The following SLC3A1 variants were observed in gnomAD, a reference collection of about 807,000 sequenced individuals.
SLC3A1 encodes solute carrier family 3 member 1, also known as amino acid transporter heavy chain SLC3A1.
In SLC3A1, 78 loss-of-function variants were observed where a neutral mutation model predicts 60.3. That is an observed-to-expected ratio of 1.29 (90% CI 1.08 to 1.56). The LOEUF (loss-of-function observed/expected upper bound fraction) is 1.56, where lower values mean the gene tolerates loss of function less well. Ranked by LOEUF, SLC3A1 falls within the 40% of genes most tolerant of loss-of-function variation. The pLI, the probability that SLC3A1 is intolerant of heterozygous loss-of-function variation, is 0.00. For missense variants in SLC3A1, 1,172 were observed against 858.9 expected (o/e 1.36, Z -4.56); for synonymous variants, 392 against 307.9 (o/e 1.27, Z -2.86).
chr2:44,285,212 A>G (rs951572445), intron 3 of SLC3A1: 6 of 155,064 alleles, frequency 3.9e-5, no homozygotes, highest in African/African-American at 1.4e-4. Flanking sequence ...GAAAGGCAGC[A>G]GCTACTACTC....
chr2:44,310,306 C>T (rs1188341137), intron 7 of SLC3A1, among the ~76,000 whole-genome samples: 2 of 152,200 alleles, frequency 1.3e-5, no homozygotes, highest in Admixed American at 1.3e-4. Context: ...TTCTTTTCAT[C>T]CTCACCAACA....
In SLC3A1 at chr2:44,321,480, G is replaced by T. The variant is rs775308726; in HGVS notation, c.*841G>T. 2 of 1,594,458 alleles carry T rather than the reference G, an allele frequency of 1.3e-6. No individual in the cohort carries two copies. The highest frequency in any genetic ancestry group is 3.4e-5 in the Admixed American group (2 of 58,650). Reference sequence around the variant, plus strand: ...ACACATTAAAAAAATTAAATAGAAGGCCTTTGTAGTAAAATGCCACTGTTT... The same window carrying T: ...ACACATTAAAAAAATTAAATAGAAGTCCTTTGTAGTAAAATGCCACTGTTT... On this transcript the variant is annotated 3_prime_UTR_variant, in exon 10 of 10. Transcript: ENST00000260649.
chr2:44,315,597 A>T (rs1348180118), intron 9 of SLC3A1, among the ~76,000 whole-genome samples: 7 of 134,018 alleles, frequency 5.2e-5, no homozygotes, highest in African/African-American at 1.9e-4. Flanking sequence ...TCAAGGTTGC[A>T]GTGAGTTGTG....
chr2:44,314,926 T>TC (rs1672390153), intron 9 of SLC3A1: 1 of 128,646 alleles, frequency 7.8e-6, no homozygotes, highest in Non-Finnish European at 1.6e-5. Context: ...ACAGTGATTT[T>TC]TTTTTTTTTT....
intron 7 of SLC3A1, among the ~76,000 whole-genome samples, chr2:44,308,924 G>T (rs566108494): frequency 1.2e-4 from 18 of 152,164 alleles, no homozygotes; most frequent in East Asian, 7.7e-4. Flanking sequence ...AGTAGAGACG[G>T]GGTTTCACCG....
At chr2:44,290,051 T>A (rs6705549) in intron 4 of SLC3A1, among the ~76,000 whole-genome samples, 6,492 of 152,106 alleles carry the variant, frequency 0.043, 441 homozygotes, top group African/African-American at 0.14. Flanking sequence ...ACAGTTTTAG[T>A]CTTACATTTT....
rs140640707 is a variant in SLC3A1, at chr2:44,297,760, C to A, written c.892-2211C>A. Among the ~76,000 whole-genome samples the A allele has an allele frequency of 6.6e-3, 999 of 152,268 alleles. 10 individuals are homozygous for A. The highest frequency in any genetic ancestry group is 0.022 in the African/African-American group (919 of 41,534). On this transcript the variant is annotated intron_variant, in intron 4 of 9. Transcript: ENST00000260649. ...GCCTACAGACATGTACCACCACACG[C>A]AGCTAATTTTTCATTTTTTGTAGAG...
At position 44,286,027 on chromosome 2, in the gene SLC3A1, GC is replaced by G. The variant is rs1671604840; in HGVS notation, c.766-3del. 1 of 1,613,978 alleles carries G rather than the reference GC, an allele frequency of 6.2e-7. No individual in the cohort carries two copies. The highest frequency in any genetic ancestry group is 8.5e-7 in the Non-Finnish European group (1 of 1,179,984). ...CACTGATGTGCTGTTTTCTTTGTTT[GC>G]CAGTTAAGTGTGTATGGAAACTCCA... On this transcript the variant is annotated splice_polypyrimidine_tract_variant and splice_region_variant and intron_variant, in intron 3 of 9. Coordinates refer to ENST00000260649, the MANE Select transcript of SLC3A1 (RefSeq NM_000341.4).
intron 4 of SLC3A1, among the ~76,000 whole-genome samples, chr2:44,296,905 ACT>A (rs1422402021): frequency 6.6e-6 from 1 of 151,678 alleles, no homozygotes; most frequent in South Asian, 2.1e-4. Flanking sequence ...TTCTGCACAA[ACT>A]CTCTCGCCTG....
intron 5 of SLC3A1, 74 bp downstream of exon 5, chr2:44,300,164 G>T: frequency 6.9e-7 from 1 of 1,450,250 alleles, no homozygotes; most frequent in Middle Eastern, 1.7e-4. Context: ...TTCTCAGCCT[G>T]AGATACCAGT....
Position 44,320,990 on chromosome 2 carries a change from C to A in SLC3A1, c.*351C>A, listed in dbSNP as rs2103653034. ...TAGAAATTAGAGGATGACTCACTGC[C>A]ACAGTGTCTAAAAGCATTTGCTAGC... On this transcript the variant is annotated 3_prime_UTR_variant, in exon 10 of 10. Coordinates refer to ENST00000260649, the MANE Select transcript of SLC3A1 (RefSeq NM_000341.4). 14 of 396,652 alleles carry A rather than the reference C, an allele frequency of 3.5e-5. No individual in the cohort carries two copies. In the South Asian group the frequency reaches 3.6e-4, roughly 10 times the overall value. The allele number at this position is 396,652 out of a possible 1,614,324, so 24.6% of individuals were successfully genotyped here. A position where few individuals can be genotyped will look rare whatever the true frequency, so the allele number is the denominator to read the frequency against.
chr2:44,308,246 A>T (rs1672207169), intron 7 of SLC3A1, among the ~76,000 whole-genome samples: 1 of 152,254 alleles, frequency 6.6e-6, no homozygotes, highest in African/African-American at 2.4e-5. Flanking sequence ...TGAGTTGATT[A>T]GTGTAGCTTA....
intron 6 of SLC3A1, among the ~76,000 whole-genome samples, chr2:44,303,076 C>A (rs1158282576): frequency 6.6e-6 from 1 of 151,596 alleles, no homozygotes; most frequent in Admixed American, 6.6e-5. Context: ...TGGCGGGTGC[C>A]TGTAATCCTA....
At chr2:44,315,780 T>C (rs1672421749) in intron 9 of SLC3A1, among the ~76,000 whole-genome samples, 1 of 151,618 alleles carries the variant, frequency 6.6e-6, no homozygotes, top group Non-Finnish European at 1.5e-5. Flanking sequence ...CATGGCATAA[T>C]TTCCCTAAGG....
At chr2:44,278,977 C>T (rs1157638032) in intron 1 of SLC3A1, among the ~76,000 whole-genome samples, 2 of 151,612 alleles carry the variant, frequency 1.3e-5, no homozygotes, top group Non-Finnish European at 2.9e-5. Flanking sequence ...TTAATTGATG[C>T]ATTTACTTAT....
chr2:44,319,784 A>T (rs1672769448), intron 9 of SLC3A1: 1 of 178,134 alleles, frequency 5.6e-6, no homozygotes, highest in Admixed American at 5.5e-5. Context: ...TACAAAGGGG[A>T]ACAAACCCAA....
chr2:44,321,424 G>C lies in SLC3A1; in HGVS notation c.*785G>C, dbSNP rs150477781. ...CTGTCAAGTCCAAGTTCCTCGTACA[G>C]GAATTTAATTTGGGCTGTAATCTAA... is the stretch of plus-strand genomic sequence containing the variant. On this transcript the variant is annotated 3_prime_UTR_variant, in exon 10 of 10. Transcript: ENST00000260649. The C allele has an allele frequency of 2.5e-5, 40 of 1,612,646 alleles. No individual in the cohort carries two copies. In the African/African-American group the frequency reaches 4.9e-4, roughly 20 times the overall value.
intron 4 of SLC3A1, among the ~76,000 whole-genome samples, chr2:44,294,759 A>T (rs1671813391): frequency 6.6e-6 from 1 of 152,168 alleles, no homozygotes; most frequent in Non-Finnish European, 1.5e-5. Flanking sequence ...ATTTCTGAAC[A>T]TGAGTAGGGT....
chr2:44,282,868 G>A (rs745439265), intron 3 of SLC3A1, among the ~76,000 whole-genome samples: 4 of 151,980 alleles, frequency 2.6e-5, no homozygotes, highest in Non-Finnish European at 5.9e-5. Flanking sequence ...CTGTTGTCCA[G>A]GCTGGTCTTG....
Sources: allele counts gnomAD v4.1 joint callset (sites outside exome capture counted in the v4.1 genomes callset), GRCh38; gene constraint gnomAD v4.1.1; transcripts MANE v1.5; gene names NCBI Gene and HGNC (gene_info 2026-07-23, HGNC 2026-07-21).